ADAM19: variants seen among roughly 807,000 people sequenced by gnomAD.
ADAM19 encodes the protein disintegrin and metalloproteinase domain-containing protein 19.
ADAM19 carries 65 observed loss-of-function variants against 114.7 expected under a neutral mutation model. That is an observed-to-expected ratio of 0.57 (90% CI 0.46 to 0.70). The LOEUF (loss-of-function observed/expected upper bound fraction) is 0.70, where lower values mean the gene tolerates loss of function less well. ADAM19 is among the 30% of genes least tolerant of loss of function. The pLI is 0.00. For synonymous variants in ADAM19, 466 were observed against 460.5 expected (o/e 1.01, Z -0.15); for missense variants, 1,063 against 1,204.7 (o/e 0.88, Z 1.74).
In ADAM19 at chr5:157,513,538, C is replaced by A. The variant is rs1257259017; in HGVS notation, c.667-33G>T. The A allele has an allele frequency of 1.9e-6, 3 of 1,584,372 alleles. No homozygotes were observed. The East Asian group carries it at 6.7e-5, about 35-fold the overall frequency. ...GGACAAGCAGAACCATGTGAGATCC[C>A]AGAACCTCTCACAGGATGCTTCCTG... On this transcript the variant is annotated intron_variant, in intron 7 of 22. Transcript: ENST00000257527.
chr5:157,560,115 A>G (rs1182742976), intron 3 of ADAM19, among the ~76,000 whole-genome samples: 1 of 151,010 alleles, frequency 6.6e-6, no homozygotes. Context: ...AATACAAAAA[A>G]TTAGCCGGGC....
intron 11 of ADAM19, among the ~76,000 whole-genome samples, chr5:157,503,343 A>G (rs1755628620): frequency 6.6e-6 from 1 of 152,178 alleles, no homozygotes; most frequent in African/African-American, 2.4e-5. Context: ...GGCCTGTTGT[A>G]GGGTAGCAAG....
At chr5:157,561,003 C>T (rs116732514) in intron 3 of ADAM19, among the ~76,000 whole-genome samples, 4,113 of 152,260 alleles carry the variant, frequency 0.027, 198 homozygotes, top group African/African-American at 0.094. Flanking sequence ...CCCAGATGCA[C>T]AAACTGAGGC....
At chr5:157,521,232 G>C (rs1039840774) in intron 5 of ADAM19, among the ~76,000 whole-genome samples, 1 of 152,166 alleles carries the variant, frequency 6.6e-6, no homozygotes, top group African/African-American at 2.4e-5. Context: ...GCAGATATCT[G>C]CCAACCTTGA....
At chr5:157,554,903 G>A (rs1206983782) in intron 3 of ADAM19, among the ~76,000 whole-genome samples, 2 of 152,166 alleles carry the variant, frequency 1.3e-5, no homozygotes, top group African/African-American at 4.8e-5. Flanking sequence ...CCAAGCTTGG[G>A]ATGCACACCT....
intron 10 of ADAM19, 48 bp from the exon 11 acceptor site, chr5:157,505,856 C>T (rs367922213): frequency 1.9e-6 from 3 of 1,587,020 alleles, no homozygotes; most frequent in South Asian, 2.3e-5. Context: ...ACAGATCTGC[C>T]TCTGCCCCCC....
chr5:157,489,649 C>A (rs1357792266), intron 19 of ADAM19, among the ~76,000 whole-genome samples: 1 of 152,212 alleles, frequency 6.6e-6, no homozygotes, highest in East Asian at 1.9e-4. Flanking sequence ...AGTAGCTATT[C>A]TTATACCAGA....
chr5:157,573,353 A>C (rs536635319), intron 1 of ADAM19, among the ~76,000 whole-genome samples: 1 of 152,346 alleles, frequency 6.6e-6, no homozygotes, highest in East Asian at 1.9e-4. Context: ...TTGACTTTTT[A>C]TTTACCATTG....
chr5:157,575,682 T>G lies in ADAM19; in HGVS notation c.15A>C (p.Ala5=). 4 of 1,343,282 alleles carry G rather than the reference T, an allele frequency of 3.0e-6. No individual in the cohort carries two copies. Among genetic ancestry groups the G allele is most frequent in the Non-Finnish European group, 2.8e-6 (3 of 1,053,854 alleles). 83.2% of individuals were successfully genotyped at this position (1,343,282 alleles called of 1,614,324 possible). Residue 5 remains alanine, a synonymous_variant, in exon 1 of 23, where the codon GCA becomes GCC. Transcript: ENST00000257527. ...CCAGCAAGCAGAGCCGGGCGGCGCC[T>G]GCGCCCCCTGGCATGGTGGCGGCGG... is the stretch of plus-strand genomic sequence containing the variant. MPGG[A]GAARLCLLAF... is the part of the protein sequence containing the mutation.
At chr5:157,543,391 A>T (rs971963308) in intron 3 of ADAM19, among the ~76,000 whole-genome samples, 2 of 152,218 alleles carry the variant, frequency 1.3e-5, no homozygotes, top group African/African-American at 2.4e-5. Context: ...CCTAGCTCTT[A>T]TAAGTCGTGT....
At chr5:157,572,194 T>C (rs528677997) in intron 1 of ADAM19, 140 of 427,284 alleles carry the variant, frequency 3.3e-4, no homozygotes, top group African/African-American at 2.4e-3. Flanking sequence ...CATGCCATTC[T>C]CCTGCCTCAG....
intron 8 of ADAM19, among the ~76,000 whole-genome samples, chr5:157,512,490 T>C (rs4579242): frequency 6.6e-6 from 1 of 151,978 alleles, no homozygotes; most frequent in South Asian, 2.1e-4. Context: ...AAAGAGACTT[T>C]TGATCCCAAA....
At chr5:157,572,004 C>T (rs1757841095) in intron 1 of ADAM19, among the ~76,000 whole-genome samples, 1 of 152,200 alleles carries the variant, frequency 6.6e-6, no homozygotes, top group Non-Finnish European at 1.5e-5. Flanking sequence ...ATTTGTATTC[C>T]ACTTTCTACT....
At chr5:157,545,423 T>G (rs1335374635) in intron 3 of ADAM19, among the ~76,000 whole-genome samples, 1 of 152,204 alleles carries the variant, frequency 6.6e-6, no homozygotes, top group Non-Finnish European at 1.5e-5. Context: ...AGATCTCATC[T>G]CAGAATTTCA....
At chr5:157,503,593 G>T (rs558532557) in intron 11 of ADAM19, among the ~76,000 whole-genome samples, 1 of 152,128 alleles carries the variant, frequency 6.6e-6, no homozygotes, top group African/African-American at 2.4e-5. Flanking sequence ...TGAGAATCAG[G>T]AGTAGCAATT....
chr5:157,507,431 G>A (rs978891583), intron 9 of ADAM19, among the ~76,000 whole-genome samples: 5 of 152,268 alleles, frequency 3.3e-5, no homozygotes, highest in African/African-American at 1.2e-4. Context: ...GAAATGGGCA[G>A]GGTTTGCAAA....
In ADAM19 at chr5:157,564,809, G is replaced by A. The variant is rs77035687; in HGVS notation, c.181-366C>T. 8.8e-3 allele frequency among the ~76,000 whole-genome samples: 1,340 copies of A among 152,300 alleles called. 21 individuals are homozygous for A. Among genetic ancestry groups the A allele is most frequent in the African/African-American group, 0.031 (1,281 of 41,568 alleles). On this transcript the variant is annotated intron_variant, in intron 2 of 22. Transcript: ENST00000257527. ...CCTGCAGCTGTGTGAAGTCGGACATGTTGCTGAGCCTCCCCACATCTCAGT... is the reference window on the plus strand; with the variant it reads ...CCTGCAGCTGTGTGAAGTCGGACATATTGCTGAGCCTCCCCACATCTCAGT...
At chr5:157,532,508 C>T (rs548734063) in intron 4 of ADAM19, among the ~76,000 whole-genome samples, 4 of 152,292 alleles carry the variant, frequency 2.6e-5, no homozygotes, top group Non-Finnish European at 2.9e-5. Flanking sequence ...GGGGTAACAA[C>T]AAGAGACACA....
Position 157,496,983 on chromosome 5 carries a change from T to C in ADAM19, c.1505A>G (p.Asp502Gly). 6.3e-7 allele frequency: 1 copy of C among 1,597,834 alleles called. No individual in the cohort carries two copies. The highest frequency in any genetic ancestry group is 8.5e-7 in the Non-Finnish European group (1 of 1,173,106). The stretch of plus-strand genomic sequence containing the variant: ...CTGGCCGCCCTCACAGGGGGTACCA[T>C]CCATCTGGTAGAAGTTGGTAGGGCA... ...PHCPTNFYQM[D>G]GTPCEGGQAY... is the part of the protein sequence containing the mutation. The change falls in exon 14 of 23, where the codon GAT becomes GGT. Residue 502 changes from aspartate to glycine, a missense_variant. Coordinates refer to ENST00000257527, the MANE Select transcript of ADAM19 (RefSeq NM_033274.5).
Sources: gnomAD v4.1 joint callset for allele counts (sites outside exome capture counted in the v4.1 genomes callset) on GRCh38, gnomAD v4.1.1 for gene constraint, MANE v1.5 for transcripts, NCBI Gene and HGNC (gene_info 2026-07-23, HGNC 2026-07-21) for gene names.